Variants in CNOT6L observed in about 807,000 individuals in gnomAD.
CNOT6L encodes CCR4-NOT transcription complex subunit 6 like.
CNOT6L carries 7 observed loss-of-function variants against 64.0 expected under a neutral mutation model. The observed-to-expected ratio is 0.11, with a 90% CI of 0.06 to 0.21. CNOT6L has a LOEUF of 0.21. CNOT6L is among the 10% of genes least tolerant of loss of function. The pLI is 1.00. For synonymous variants in CNOT6L, 193 were observed against 243.4 expected (o/e 0.79, Z 1.93); for missense variants, 245 against 669.0 (o/e 0.37, Z 6.99).
intron 6 of CNOT6L, among the ~76,000 whole-genome samples, chr4:77,747,667 AAG>A (rs879471695): frequency 1.2e-4 from 19 of 152,358 alleles, no homozygotes; most frequent in Non-Finnish European, 2.4e-4. Flanking sequence ...AAATATGAAG[AAG>A]CTTTATAAAT....
chr4:77,728,595 G>C (rs1722128606), intron 10 of CNOT6L, among the ~76,000 whole-genome samples: 1 of 152,170 alleles, frequency 6.6e-6, no homozygotes, highest in Non-Finnish European at 1.5e-5. Context: ...CTTTTAGGTA[G>C]AGGAGTGGTA....
intron 4 of CNOT6L, among the ~76,000 whole-genome samples, chr4:77,769,908 A>G (rs1000350742): frequency 6.6e-6 from 1 of 152,170 alleles, no homozygotes; most frequent in African/African-American, 2.4e-5. Context: ...TTGTTGGCCC[A>G]TATGTCGGAT....
At chr4:77,754,888 T>TAAAAA in intron 5 of CNOT6L, among the ~76,000 whole-genome samples, 10 of 36,948 alleles carry the variant, frequency 2.7e-4, no homozygotes, top group Admixed American at 8.8e-4. Context: ...ACATTAGAAG[T>TAAAAA]AAAAAAAAAA....
intron 1 of CNOT6L, among the ~76,000 whole-genome samples, chr4:77,789,462 A>G (rs781386277): frequency 2.6e-5 from 4 of 152,060 alleles, no homozygotes; most frequent in Non-Finnish European, 5.9e-5. Context: ...GGGCTGTTTG[A>G]GGCCAGTAGT....
intron 6 of CNOT6L, among the ~76,000 whole-genome samples, chr4:77,747,179 T>C: frequency 6.6e-6 from 1 of 152,198 alleles, no homozygotes; most frequent in African/African-American, 2.4e-5. Flanking sequence ...ATCTCTTTTT[T>C]TGAGACAGGG....
intron 8 of CNOT6L, among the ~76,000 whole-genome samples, chr4:77,735,713 CTGTTT>C (rs779792709): frequency 6.6e-6 from 1 of 152,150 alleles, no homozygotes; most frequent in African/African-American, 2.4e-5. Context: ...TTGTATAGAG[CTGTTT>C]TTTGTTGATC....
At chr4:77,752,418 C>T (rs934088243) in intron 5 of CNOT6L, among the ~76,000 whole-genome samples, 37 of 152,250 alleles carry the variant, frequency 2.4e-4, no homozygotes, top group Middle Eastern at 3.4e-3. Context: ...ATATAGGATA[C>T]TGCATCTAAT....
At chr4:77,783,294 C>T (rs1420208725) in intron 1 of CNOT6L, among the ~76,000 whole-genome samples, 1 of 152,104 alleles carries the variant, frequency 6.6e-6, no homozygotes, top group Non-Finnish European at 1.5e-5. Flanking sequence ...ATGCCTATTC[C>T]TTACGACATT....
intron 5 of CNOT6L, among the ~76,000 whole-genome samples, chr4:77,751,959 G>A (rs1364342784): frequency 6.6e-6 from 1 of 152,092 alleles, no homozygotes; most frequent in Non-Finnish European, 1.5e-5. Context: ...ATCACTTGAG[G>A]CCAGGAGTTT....
chr4:77,728,823 G>A (rs781410905), intron 10 of CNOT6L, 31 bp downstream of exon 10: 1 of 1,560,664 alleles, frequency 6.4e-7, no homozygotes, highest in Non-Finnish European at 8.8e-7. Context: ...AAGTGAAATT[G>A]AAAGCAGTGA....
At chr4:77,781,431 A>G (rs866660161) in intron 1 of CNOT6L, among the ~76,000 whole-genome samples, 1 of 152,176 alleles carries the variant, frequency 6.6e-6, no homozygotes, top group Non-Finnish European at 1.5e-5. Context: ...AAGCAATATT[A>G]TATGTAACGC....
rs1720587685 is a variant in CNOT6L, at chr4:77,714,958, A to G, written c.*5473T>C. Reference sequence around the variant, plus strand: ...AATGCTGAACCAATTTTGTGACTTCAGATAACTACAAACTAAATTAAATTG... The same window carrying G: ...AATGCTGAACCAATTTTGTGACTTCGGATAACTACAAACTAAATTAAATTG... On this transcript the variant is annotated 3_prime_UTR_variant, in exon 12 of 12. Transcript: ENST00000504123. The G allele has an allele frequency of 6.6e-6, 1 of 152,562 alleles. No homozygotes were observed. Among genetic ancestry groups the G allele is most frequent in the Admixed American group, 6.6e-5 (1 of 15,250 alleles). The allele number at this position is 152,562 out of a possible 1,614,324, so 9.5% of individuals were successfully genotyped here.
At chr4:77,803,983 A>G (rs1326730618) in intron 1 of CNOT6L, among the ~76,000 whole-genome samples, 1 of 152,200 alleles carries the variant, frequency 6.6e-6, no homozygotes, top group African/African-American at 2.4e-5. Context: ...TTCCTCAAAA[A>G]GTTAAAACAC....
chr4:77,768,126 G>A (rs1727075628), intron 4 of CNOT6L, among the ~76,000 whole-genome samples: 1 of 151,882 alleles, frequency 6.6e-6, no homozygotes, highest in South Asian at 2.1e-4. Context: ...ACACACAAAT[G>A]TACTAACTAC....
chr4:77,808,367 C>T (rs894300157), intron 1 of CNOT6L, among the ~76,000 whole-genome samples: 7 of 149,276 alleles, frequency 4.7e-5, no homozygotes, highest in African/African-American at 1.7e-4. Flanking sequence ...GAGGCTGAGG[C>T]AGGAGAATCG....
chr4:77,774,202 T>C (rs573396799), intron 3 of CNOT6L, among the ~76,000 whole-genome samples: 9 of 152,324 alleles, frequency 5.9e-5, no homozygotes, highest in African/African-American at 1.9e-4. Flanking sequence ...AGATATGTTC[T>C]TGTAAGTTTT....
chr4:77,764,162 C>G (rs570245735), intron 4 of CNOT6L, among the ~76,000 whole-genome samples: 2 of 151,964 alleles, frequency 1.3e-5, no homozygotes, highest in Admixed American at 1.3e-4. Flanking sequence ...AGAAGCTCCA[C>G]GGTAATATGG....
At chr4:77,757,776 T>C (rs1725726418) in intron 4 of CNOT6L, among the ~76,000 whole-genome samples, 2 of 152,294 alleles carry the variant, frequency 1.3e-5, no homozygotes, top group Admixed American at 1.3e-4. Flanking sequence ...CTGGGCTCAC[T>C]GTAACCTCCA....
intron 6 of CNOT6L, among the ~76,000 whole-genome samples, chr4:77,748,039 A>G (rs1025918688): frequency 6.6e-6 from 1 of 151,920 alleles, no homozygotes; most frequent in Non-Finnish European, 1.5e-5. Flanking sequence ...CATTACTTAA[A>G]TCTTAAATCA....
Sources: gnomAD v4.1 joint callset for allele counts (sites outside exome capture counted in the v4.1 genomes callset) on GRCh38, gnomAD v4.1.1 for gene constraint, MANE v1.5 for transcripts, NCBI Gene and HGNC (gene_info 2026-07-23, HGNC 2026-07-21) for gene names.